RNF135: variants seen among roughly 807,000 people sequenced by gnomAD.
The protein encoded by RNF135 is ring finger protein 135.
Under a neutral mutation model 41.9 loss-of-function variants are expected in RNF135, and 46 were observed. The observed-to-expected ratio is 1.10, with a 90% confidence interval of 0.87 to 1.40. The LOEUF (loss-of-function observed/expected upper bound fraction) is 1.40, where lower values mean the gene tolerates loss of function less well. Ranked by LOEUF, RNF135 falls within the 40% of genes most tolerant of loss-of-function variation. The probability of loss-of-function intolerance (pLI) is 0.00; values close to 1 mark genes in which losing one functional copy is unlikely to be tolerated. For synonymous variants in RNF135, 238 were observed against 223.8 expected, an observed-to-expected ratio of 1.06 and a Z score of -0.57; for missense variants, 539 against 549.8, an observed-to-expected ratio of 0.98 and a Z score of 0.20.
upstream of RNF135, among the ~76,000 whole-genome samples, chr17:30,967,455 TTTTG>T (rs1267879452): frequency 3.3e-5 from 5 of 152,202 alleles, no homozygotes; most frequent in East Asian, 1.9e-4. Flanking sequence ...CATACTTTTC[TTTTG>T]TTTGACTGCT....
At chr17:30,980,462 C>T (rs1907021000) in intron 1 of RNF135, among the ~76,000 whole-genome samples, 1 of 135,764 alleles carries the variant, frequency 7.4e-6, no homozygotes, top group Admixed American at 7.0e-5. Flanking sequence ...CAGAGGAGCC[C>T]CTCACCTCCC....
chr17:30,969,844 A>G (rs1380338115), upstream of RNF135, among the ~76,000 whole-genome samples: 1 of 149,124 alleles, frequency 6.7e-6, no homozygotes, highest in Non-Finnish European at 1.5e-5. Context: ...GGCTCACTGA[A>G]ACCTCCGCCT....
At chr17:30,964,597 CTG>C in the RNF135 span, among the ~76,000 whole-genome samples, 5 of 151,948 alleles carry the variant, frequency 3.3e-5, no homozygotes, top group South Asian at 1.0e-3. Flanking sequence ...GAGGGAGACT[CTG>C]TCTCAAAACA....
chr17:30,970,072 G>A (rs1905764554), upstream of RNF135: 1 of 152,190 alleles, frequency 6.6e-6, no homozygotes, highest in Non-Finnish European at 1.5e-5. Flanking sequence ...GCCCAGGCCA[G>A]AAAGGATAAA....
chr17:30,979,467 C>T (rs1481242236), intron 1 of RNF135, among the ~76,000 whole-genome samples: 16 of 89,120 alleles, frequency 1.8e-4, no homozygotes, highest in South Asian at 1.3e-3. Context: ...ACCTCCCGGA[C>T]GGGGCGGCCG....
At chr17:30,982,157 G>A (rs1340368615) in intron 1 of RNF135, among the ~76,000 whole-genome samples, 1 of 152,166 alleles carries the variant, frequency 6.6e-6, no homozygotes, top group Non-Finnish European at 1.5e-5. Flanking sequence ...GCTCGGGGCC[G>A]GTCCAGAGAC....
chr17:30,968,471 C>T (rs1303881380), upstream of RNF135, among the ~76,000 whole-genome samples: 3 of 150,938 alleles, frequency 2.0e-5, no homozygotes, highest in Admixed American at 1.3e-4. Context: ...CTGCAAGCTC[C>T]GCCTCCTGGG....
At chr17:30,966,563 T>C (rs28856871), upstream of RNF135, among the ~76,000 whole-genome samples, 30,372 of 151,372 alleles carry the variant, frequency 0.2, 9,664 homozygotes, top group African/African-American at 0.68. Context: ...GGCGCGATCT[T>C]GGCTCACTGC....
At chr17:30,987,441 A>C (rs536756503) in intron 2 of RNF135, among the ~76,000 whole-genome samples, 1 of 152,208 alleles carries the variant, frequency 6.6e-6, no homozygotes, top group East Asian at 1.9e-4. Context: ...CATGTTGGCC[A>C]GGCTGGTCTC....
chr17:30,983,353 A>ATATATATATATATTTTTTTT (rs1420453160), intron 1 of RNF135, among the ~76,000 whole-genome samples: 3 of 35,734 alleles, frequency 8.4e-5, no homozygotes, highest in Non-Finnish European at 1.1e-4. Context: ...ATATATATAT[A>ATATATATATATATTTTTTTT]TTTTTTTTTT....
At chr17:30,964,205 T>C in the RNF135 span, among the ~76,000 whole-genome samples, 1 of 151,464 alleles carries the variant, frequency 6.6e-6, no homozygotes, top group Admixed American at 6.6e-5. Context: ...CTGGCCAACA[T>C]GGTGAAACCC....
the RNF135 span, among the ~76,000 whole-genome samples, chr17:30,963,364 C>T: frequency 3.3e-5 from 5 of 151,784 alleles, no homozygotes; most frequent in South Asian, 2.1e-4. Context: ...GGGCAGATCA[C>T]GACGTCAGGA....
rs1463451350 is a variant in RNF135 at position 30,979,538 on chromosome 17, C to CG, written c.373-5079_373-5078insG. 3.3e-4 allele frequency among the ~76,000 whole-genome samples: 30 copies of CG among 91,362 alleles called. 8 individuals carry two copies. The highest frequency in any genetic ancestry group is 6.9e-4 in the Non-Finnish European group (26 of 37,854). 59.9% of individuals were successfully genotyped at this position (91,362 alleles called of 152,430 possible). A position where few individuals can be genotyped will look rare whatever the true frequency, so the allele number is the denominator to read the frequency against. On this transcript the variant is annotated intron_variant, in intron 1 of 4. Coordinates refer to ENST00000328381, the MANE Select transcript of RNF135 (RefSeq NM_032322.4). ...CGGACGGGGCAGCTGGCCGACCCCCCCCCCCCGCCTCCCTCCCGGACGGGG... is the reference window on the plus strand; with the variant it reads ...CGGACGGGGCAGCTGGCCGACCCCCCGCCCCCCGCCTCCCTCCCGGACGGGG...
chr17:30,960,961 G>A, the RNF135 span, among the ~76,000 whole-genome samples: 4 of 151,926 alleles, frequency 2.6e-5, no homozygotes, highest in Admixed American at 1.3e-4. Context: ...GGAGGGTCTC[G>A]ATCTCCCAAC....
chr17:30,970,022 A>C (rs533679600), upstream of RNF135, among the ~76,000 whole-genome samples: 6 of 151,886 alleles, frequency 4.0e-5, no homozygotes, highest in African/African-American at 1.2e-4. Context: ...AGTGATCCAA[A>C]GGTCGGCTAC....
intron 1 of RNF135, chr17:30,972,802 A>C (rs1906108286): frequency 6.6e-6 from 1 of 152,130 alleles, no homozygotes; most frequent in Non-Finnish European, 1.5e-5. Context: ...TTTGAGATGG[A>C]GTCTTGCTCT....
rs142173397 is a variant in RNF135 at position 30,998,902 on chromosome 17, A to T, written c.1010A>T (p.Asp337Val). 3 of 1,611,772 alleles carry T rather than the reference A, an allele frequency of 1.9e-6. No homozygotes were observed. The African/African-American group carries it at 4.0e-5, about 22-fold the overall frequency. The stretch of plus-strand genomic sequence containing the variant: ...GTGGCTTCCTGGGAGATGAGCCGCG[A>T]CCAGGTCCTGGGAAGGACTATGGAC... ...VGVASWEMSR[D>V]QVLGRTMDSC... Residue 337 changes from aspartate (D) to valine (V), a missense_variant, in exon 5 of 5, where the codon GAC (aspartate) becomes GTC (valine). Transcript: ENST00000328381.
intron 1 of RNF135, among the ~76,000 whole-genome samples, chr17:30,981,491 C>T (rs1418922058): frequency 6.6e-6 from 1 of 152,176 alleles, no homozygotes; most frequent in Non-Finnish European, 1.5e-5. Context: ...TTTCTTAAAT[C>T]AGCTATTTTG....
intron 1 of RNF135, chr17:30,980,385 GC>G (rs1381036350): frequency 7.1e-6 from 1 of 140,998 alleles, no homozygotes; most frequent in South Asian, 2.1e-4. Flanking sequence ...GGGCAGAGGG[GC>G]TCCTCACTTC....
Sources: gnomAD v4.1 joint callset for allele counts (sites outside exome capture counted in the v4.1 genomes callset) on GRCh38, gnomAD v4.1.1 for gene constraint, MANE v1.5 for transcripts, NCBI Gene and HGNC (gene_info 2026-07-23, HGNC 2026-07-21) for gene names.